Variants in FARP1 observed in about 807,000 individuals in gnomAD.
FARP1 encodes the protein FERM, ARH/RhoGEF and pleckstrin domain protein 1.
FARP1 carries 52 observed loss-of-function variants against 128.8 expected under a neutral mutation model. The ratio of observed to expected loss-of-function variants is 0.40; its 90% confidence interval spans 0.32 to 0.51. The LOEUF is 0.51. Ranked by LOEUF, FARP1 falls within the 20% of genes least tolerant of loss-of-function variation. The pLI is 0.45. For missense variants in FARP1, 1,333 were observed against 1,367.9 expected, an observed-to-expected ratio of 0.97 and a Z score of 0.40; for synonymous variants, 580 against 551.8, an observed-to-expected ratio of 1.05 and a Z score of -0.72.
chr13:98,356,153 T>C (rs1247687210), intron 3 of FARP1, among the ~76,000 whole-genome samples: 9 of 152,266 alleles, frequency 5.9e-5, no homozygotes, highest in Non-Finnish European at 1.0e-4. Flanking sequence ...GCCTACATAC[T>C]AATATTGAGA....
chr13:98,388,689 G>A (rs551604285), intron 9 of FARP1, among the ~76,000 whole-genome samples: 11 of 152,330 alleles, frequency 7.2e-5, no homozygotes, highest in South Asian at 2.1e-4. Context: ...AACAGAGAGC[G>A]TAAAGGAGGT....
intron 2 of FARP1, among the ~76,000 whole-genome samples, chr13:98,342,043 G>A (rs1318293894): frequency 1.3e-5 from 2 of 152,144 alleles, no homozygotes; most frequent in Non-Finnish European, 2.9e-5. Context: ...TTGTTCATTC[G>A]TTTCCACAAA....
chr13:98,210,157 T>C (rs1430170167), intron 1 of FARP1, among the ~76,000 whole-genome samples: 2 of 152,004 alleles, frequency 1.3e-5, no homozygotes, highest in Admixed American at 6.6e-5. Context: ...TTTTCTCAAA[T>C]GTGAGTGAGA....
intron 13 of FARP1, chr13:98,406,683 C>G (rs1186924351): frequency 2.0e-5 from 3 of 152,372 alleles, no homozygotes; most frequent in Non-Finnish European, 4.4e-5. Context: ...TTTAGGTACA[C>G]AGGTGACCCT....
chr13:98,452,950 TGATCGCTG>T lies in FARP1; in HGVS notation c.*4636_*4643del, dbSNP rs927266608. On this transcript the variant is annotated 3_prime_UTR_variant, in exon 27 of 27. Transcript: ENST00000319562. ...ACAAAAGTAATAAAATAAAATAAAATGATCGCTGGAAGGAGCTGACCCTCCCCACCCAT... is the reference window on the plus strand; with the variant it reads ...ACAAAAGTAATAAAATAAAATAAAATGAAGGAGCTGACCCTCCCCACCCAT... The T allele has an allele frequency of 1.1e-5, 5 of 446,986 alleles. No individual in the cohort carries two copies. Among genetic ancestry groups the T allele is most frequent in the Non-Finnish European group, 2.0e-5 (5 of 253,818 alleles). The allele number at this position is 446,986 out of a possible 1,614,324, so 27.7% of individuals were successfully genotyped here.
intron 2 of FARP1, among the ~76,000 whole-genome samples, chr13:98,297,951 C>G (rs1885769990): frequency 6.6e-6 from 1 of 152,214 alleles, no homozygotes; most frequent in Non-Finnish European, 1.5e-5. Flanking sequence ...TTCCCTGTAT[C>G]TTGTTTGCCA....
chr13:98,249,661 C>T (rs192292859), intron 2 of FARP1, among the ~76,000 whole-genome samples: 158 of 152,180 alleles, frequency 1.0e-3, no homozygotes, highest in African/African-American at 3.6e-3. Context: ...GTCACTCAGG[C>T]CTATGTCTCG....
At chr13:98,288,767 C>A (rs1390972797) in intron 2 of FARP1, among the ~76,000 whole-genome samples, 1 of 152,168 alleles carries the variant, frequency 6.6e-6, no homozygotes, top group African/African-American at 2.4e-5. Flanking sequence ...TACACACACC[C>A]CTGCTGGATA....
rs200365290 is a variant in FARP1, at chr13:98,351,701, G to GT, written c.276+7840dup. On this transcript the variant is annotated intron_variant, in intron 3 of 26. Transcript: ENST00000319562. ...TATAAGCATGGTGAGGCCTCAGGAA[G>GT]TTTTTACTCATGGCAGAAGGTGAAG... Among the ~76,000 whole-genome samples, 528 of 152,090 alleles carry GT rather than the reference G, an allele frequency of 3.5e-3. 1 individual carries two copies. The highest frequency in any genetic ancestry group is 5.7e-3 in the Non-Finnish European group (385 of 67,990).
At chr13:98,365,894 GGTGTGTGT>G (rs55871546) in intron 4 of FARP1, among the ~76,000 whole-genome samples, 32 of 148,376 alleles carry the variant, frequency 2.2e-4, no homozygotes, top group Non-Finnish European at 4.0e-4. Context: ...GTGTGTATGT[GGTGTGTGT>G]GTGTGTGTGT....
intron 1 of FARP1, among the ~76,000 whole-genome samples, chr13:98,185,076 A>G (rs1434241611): frequency 6.6e-6 from 1 of 152,236 alleles, no homozygotes; most frequent in African/African-American, 2.4e-5. Context: ...TACCATCCAG[A>G]TGCAGCAGGC....
chr13:98,201,268 C>T (rs1566733592), intron 1 of FARP1, among the ~76,000 whole-genome samples: 2 of 152,292 alleles, frequency 1.3e-5, no homozygotes, highest in East Asian at 3.9e-4. Flanking sequence ...CATAACCAGA[C>T]TCTTTCACTA....
chr13:98,390,171 C>G, intron 10 of FARP1, 51 bp downstream of exon 10: 1 of 1,576,990 alleles, frequency 6.3e-7, no homozygotes, highest in Non-Finnish European at 8.6e-7. Context: ...TTTTTCCTCC[C>G]GCCTCTCACA....
intron 2 of FARP1, chr13:98,334,090 G>C (rs941446641): frequency 7.1e-6 from 1 of 141,430 alleles, no homozygotes; most frequent in African/African-American, 2.9e-5. Flanking sequence ...CAATCTTTAC[G>C]TCCATTTTAT....
At chr13:98,319,051 C>T (rs1886875655) in intron 2 of FARP1, among the ~76,000 whole-genome samples, 1 of 150,546 alleles carries the variant, frequency 6.6e-6, no homozygotes, top group African/African-American at 2.5e-5. Flanking sequence ...CAGCCTCGGC[C>T]CCCTGGGCTA....
chr13:98,239,229 C>A (rs1882620519), intron 2 of FARP1, among the ~76,000 whole-genome samples: 1 of 152,166 alleles, frequency 6.6e-6, no homozygotes, highest in Non-Finnish European at 1.5e-5. Context: ...CCGGTTTACG[C>A]AGCTGTCTCC....
intron 13 of FARP1, chr13:98,401,752 T>G (rs1708300345): frequency 6.6e-6 from 1 of 151,500 alleles, no homozygotes; most frequent in African/African-American, 2.4e-5. Context: ...ATTTAACCCC[T>G]AGTGAAAGCA....
intron 2 of FARP1, among the ~76,000 whole-genome samples, chr13:98,299,005 C>G (rs1885814642): frequency 6.6e-6 from 1 of 152,182 alleles, no homozygotes; most frequent in African/African-American, 2.4e-5. Flanking sequence ...AAGATGCTAT[C>G]TGGCGGGAGG....
At position 98,245,025 on chromosome 13, in the gene FARP1, G is replaced by A. The variant is rs1188676933; in HGVS notation, c.171+31612G>A. 26 of 1,083,786 alleles carry A rather than the reference G, an allele frequency of 2.4e-5. No individual in the cohort carries two copies. The Middle Eastern group carries it at 2.1e-3, about 89-fold the overall frequency. 67.1% of individuals were successfully genotyped at this position (1,083,786 alleles called of 1,614,324 possible). A position where few individuals can be genotyped will look rare whatever the true frequency, so the allele number is the denominator to read the frequency against. ...TCATTTCTATTCCAGCCATAAATTAGACCAAAGAGAGGGATTTGGTTTATT... is the reference window on the plus strand; with the variant it reads ...TCATTTCTATTCCAGCCATAAATTAAACCAAAGAGAGGGATTTGGTTTATT... On this transcript the variant is annotated intron_variant, in intron 2 of 26. Coordinates refer to ENST00000319562, the MANE Select transcript of FARP1 (RefSeq NM_005766.4).
Sources: gnomAD v4.1 joint callset for allele counts (sites outside exome capture counted in the v4.1 genomes callset) on GRCh38, gnomAD v4.1.1 for gene constraint, MANE v1.5 for transcripts, NCBI Gene and HGNC (gene_info 2026-07-23, HGNC 2026-07-21) for gene names.